Variants in ANKRD23 observed in about 807,000 individuals in gnomAD.
The protein encoded by ANKRD23 is ankyrin repeat domain-containing protein 23.
ANKRD23 carries 52 observed loss-of-function variants against 38.1 expected under a neutral mutation model. The ratio of observed to expected loss-of-function variants is 1.36; its 90% CI spans 1.09 to 1.72. The LOEUF is 1.72. Among genes scored for constraint, ANKRD23 ranks in the 40% most tolerant of loss-of-function variants. ANKRD23 has a pLI of 0.00. For missense variants in ANKRD23, 416 were observed against 400.2 expected (o/e 1.04, Z -0.34); for synonymous variants, 167 against 162.9 (o/e 1.03, Z -0.19).
At chr2:96,842,892 A>C (rs138250911) in intron 1 of ANKRD23, among the ~76,000 whole-genome samples, 58 of 152,334 alleles carry the variant, frequency 3.8e-4, no homozygotes, top group Non-Finnish European at 7.2e-4. Context: ...CTACCAGATC[A>C]TACTGACTGC....
Position 96,839,516 on chromosome 2 carries a change from G to A in ANKRD23, c.*33C>T, listed in dbSNP as rs753064910. 1.3e-5 allele frequency: 19 copies of A among 1,425,622 alleles called. No individual in the cohort carries two copies. The highest frequency in any genetic ancestry group is 1.7e-5 in the Non-Finnish European group (19 of 1,095,342). The allele number at this position is 1,425,622 out of a possible 1,614,324, so 88.3% of individuals were successfully genotyped here. A position where few individuals can be genotyped will look rare whatever the true frequency, so the allele number is the denominator to read the frequency against. On this transcript the variant is annotated 3_prime_UTR_variant, in exon 9 of 9. Transcript: ENST00000318357. ...CGGGGCACAGGATGGAATGGTGGCAGTGCGAAAGGCGCGGCGGGGGGCGGT... is the reference window on the plus strand; with the variant it reads ...CGGGGCACAGGATGGAATGGTGGCAATGCGAAAGGCGCGGCGGGGGGCGGT...
chr2:96,841,990 T>C (rs1320146), intron 3 of ANKRD23, 70 bp downstream of exon 3: 153,203 of 1,605,230 alleles, frequency 0.095, 14,914 homozygotes, highest in African/African-American at 0.52. Context: ...GTGCCCACTC[T>C]GCCCCAAGCC....
rs1385019401 is a variant in ANKRD23, at chr2:96,839,352, C to G, written c.*197G>C. On this transcript the variant is annotated 3_prime_UTR_variant, in exon 9 of 9. Transcript: ENST00000318357. ...GAGGGAACGCGGCTCCCCTGACACT[C>G]GAAGCCAGGGAGGCCTCTCTCTTTG... 7.2e-6 allele frequency: 9 copies of G among 1,253,798 alleles called. No individual in the cohort carries two copies. The highest frequency in any genetic ancestry group is 3.8e-5 in the Admixed American group (1 of 26,250). 77.7% of individuals were successfully genotyped at this position (1,253,798 alleles called of 1,614,324 possible).
chr2:96,842,892 A>G (rs138250911), intron 1 of ANKRD23, among the ~76,000 whole-genome samples: 1 of 152,216 alleles, frequency 6.6e-6, no homozygotes, highest in Non-Finnish European at 1.5e-5. Flanking sequence ...CTACCAGATC[A>G]TACTGACTGC....
In ANKRD23 at chr2:96,840,788, T is replaced by G; in HGVS notation, c.425A>C (p.Lys142Thr). The G allele has an allele frequency of 1.9e-6, 3 of 1,614,138 alleles. No individual in the cohort carries two copies. Among genetic ancestry groups the G allele is most frequent in the Non-Finnish European group, 2.5e-6 (3 of 1,180,016 alleles). ...GCCGACTCACCCAACCTGTGCTACC[T>G]TGTCATGGGCATTGGGGTCCCCTCC... ...TDGGDPNAHDKLHRTALHWAC... is the reference protein window; with the variant it reads ...TDGGDPNAHDTLHRTALHWAC... Residue 142 changes from lysine (K) to threonine (T), a missense_variant and splice_region_variant, in exon 4 of 9, where the codon AAG (lysine) becomes ACG (threonine). Lys to Thr is a moderately conservative substitution (Grantham distance 78). Transcript: ENST00000318357.
intron 6 of ANKRD23, 48 bp downstream of exon 6, chr2:96,840,184 G>C: frequency 1.9e-6 from 3 of 1,579,278 alleles, no homozygotes; most frequent in Non-Finnish European, 2.6e-6. Flanking sequence ...CAGGAACAGC[G>C]TCTGCTCCCG....
intron 7 of ANKRD23, 64 bp from the exon 8 acceptor site, chr2:96,839,889 C>T: frequency 6.4e-7 from 1 of 1,559,774 alleles, no homozygotes; most frequent in Non-Finnish European, 8.7e-7. Flanking sequence ...GCAGGAAGGT[C>T]AGGGCTGCTG....
Position 96,842,376 on chromosome 2 carries a change from TCTC to T in ANKRD23, c.160_162del (p.Glu54del). On this transcript the variant is annotated inframe_deletion, in exon 2 of 9. Transcript: ENST00000318357. ...CGCCCCTCTCTCACTTTCTTCTTCT[TCTC>T]TTCTTCCAATTTCAGCTTCTCCCGG... The T allele has an allele frequency of 4.4e-6, 7 of 1,600,102 alleles. No individual in the cohort carries two copies. The highest frequency in any genetic ancestry group is 6.0e-6 in the Non-Finnish European group (7 of 1,173,328).
chr2:96,843,407 C>G (rs761367883), intron 1 of ANKRD23, among the ~76,000 whole-genome samples: 1 of 152,122 alleles, frequency 6.6e-6, no homozygotes, highest in Non-Finnish European at 1.5e-5. Context: ...GCCCAGGGAG[C>G]GAAAGAGCAC....
intron 1 of ANKRD23, among the ~76,000 whole-genome samples, chr2:96,843,619 C>T (rs1331854238): frequency 6.6e-6 from 1 of 152,186 alleles, no homozygotes; most frequent in African/African-American, 2.4e-5. Context: ...TCCCATTCGA[C>T]TTCCCTCTCT....
At position 96,838,444 on chromosome 2, in the gene ANKRD23, G is replaced by T. The variant is rs2079718118; in HGVS notation, c.*1105C>A. On this transcript the variant is annotated 3_prime_UTR_variant, in exon 9 of 9. Transcript: ENST00000318357. ...GAAGTCTAGGGAGCTTGGGTCCTTA[G>T]ACCACCAGGGAGCAGGGAAGGGATG... The T allele has an allele frequency of 4.0e-6, 4 of 988,032 alleles. No individual in the cohort carries two copies. In the South Asian group the frequency reaches 1.9e-4, roughly 46 times the overall value. The allele number at this position is 988,032 out of a possible 1,614,324, so 61.2% of individuals were successfully genotyped here.
chr2:96,840,360 C>T, intron 5 of ANKRD23, 30 bp from the exon 6 acceptor site: 2 of 1,608,860 alleles, frequency 1.2e-6, no homozygotes, highest in Middle Eastern at 1.7e-4. Context: ...AAGCACTCAG[C>T]TGCTGGGATG....
Position 96,839,820 on chromosome 2 carries a change from C to T in ANKRD23, c.729G>A (p.Gly243=). ...GCACGGCCTCGTGCAGAGCCGTGTC[C>T]CCTTCCTGCTGAGAACGCAGGCAGT... is the stretch of plus-strand genomic sequence containing the variant. ...GAHLNAQDKE[G]DTALHEAVRH... is the part of the protein sequence containing the mutation. The change falls in exon 8 of 9, where the codon GGG becomes GGA. Residue 243 remains glycine, a synonymous_variant. Coordinates refer to ENST00000318357, the MANE Select transcript of ANKRD23 (RefSeq NM_144994.8). 1 of 1,612,382 alleles carries T rather than the reference C, an allele frequency of 6.2e-7. No individual in the cohort carries two copies. The highest frequency in any genetic ancestry group is 8.5e-7 in the Non-Finnish European group (1 of 1,179,650).
Position 96,838,667 on chromosome 2 carries a change from ACTGCCCC to A in ANKRD23, c.*875_*881del. ...CTCAGGCAAACTAGGGTTACGGGCCACTGCCCCAAGAGTTGAGTGGGCCACAAGCAAT... is the reference window on the plus strand; with the variant it reads ...CTCAGGCAAACTAGGGTTACGGGCCAAAGAGTTGAGTGGGCCACAAGCAAT... On this transcript the variant is annotated 3_prime_UTR_variant, in exon 9 of 9. Transcript: ENST00000318357. 1.0e-6 allele frequency: 1 copy of A among 985,524 alleles called. No individual in the cohort carries two copies. Among genetic ancestry groups the A allele is most frequent in the African/African-American group, 1.7e-5 (1 of 57,380 alleles). 61.0% of individuals were successfully genotyped at this position (985,524 alleles called of 1,614,324 possible).
chr2:96,840,416 C>A lies in ANKRD23; in HGVS notation c.525G>T (p.Leu175Phe). 6.2e-7 allele frequency: 1 copy of A among 1,614,002 alleles called. No individual in the cohort carries two copies. Among genetic ancestry groups the A allele is most frequent in the South Asian group, 1.1e-5 (1 of 91,040 alleles). ...VAGATVDARDLLDRTPVFWAC... is the reference protein window; with the variant it reads ...VAGATVDARDFLDRTPVFWAC... ...AGGCTGGGCCTTTCCCCATCCTCAC[C>A]AAGTCTCGCGCGTCCACTGTGGCAC... The change falls in exon 5 of 9, where the codon TTG becomes TTT. Residue 175 changes from leucine (L) to phenylalanine (F), a missense_variant and splice_region_variant. By Grantham distance (22) the Leu-to-Phe change is conservative. Coordinates refer to ENST00000318357, the MANE Select transcript of ANKRD23 (RefSeq NM_144994.8).
intron 1 of ANKRD23, among the ~76,000 whole-genome samples, chr2:96,842,867 A>G (rs1559022455): frequency 6.6e-6 from 1 of 152,156 alleles, no homozygotes; most frequent in East Asian, 1.9e-4. Flanking sequence ...AGCTTCCCCC[A>G]TGTTGTTAAG....
rs1559021239 is a variant in ANKRD23 at position 96,840,223 on chromosome 2, GCCCCT to G, written c.624+4_624+8del. On this transcript the variant is annotated splice_donor_5th_base_variant and intron_variant, in intron 6 of 8. Transcript: ENST00000318357. ...TCCCGACAGGCCCCCAAAGCACCGT[GCCCCT>G]CACCTTGTCCCGGGCATTGACCCGG... 6.2e-7 allele frequency: 1 copy of G among 1,608,110 alleles called. No homozygotes were observed. Among genetic ancestry groups the G allele is most frequent in the Admixed American group, 1.7e-5 (1 of 59,468 alleles).
chr2:96,838,587 C>T lies in ANKRD23; in HGVS notation c.*962G>A, dbSNP rs925729538. The T allele has an allele frequency of 6.1e-5, 60 of 985,586 alleles. No homozygotes were observed. The highest frequency in any genetic ancestry group is 7.1e-5 in the Non-Finnish European group (59 of 830,240). 61.1% of individuals were successfully genotyped at this position (985,586 alleles called of 1,614,324 possible). On this transcript the variant is annotated 3_prime_UTR_variant, in exon 9 of 9. Transcript: ENST00000318357. The stretch of plus-strand genomic sequence containing the variant: ...TCAAGCAGGGTGGGTGCAGCTGCAG[C>T]GTTCCAGGCAAGAGCTCAAGCTCCA...
Position 96,840,415 on chromosome 2 carries a change from C to A in ANKRD23, c.525+1G>T. 6.2e-7 allele frequency: 1 copy of A among 1,614,010 alleles called. No individual in the cohort carries two copies. Among genetic ancestry groups the A allele is most frequent in the African/African-American group, 1.3e-5 (1 of 75,060 alleles). On this transcript the variant is annotated splice_donor_variant, in intron 5 of 8. Coordinates refer to ENST00000318357, the MANE Select transcript of ANKRD23 (RefSeq NM_144994.8). LOFTEE classifies it high-confidence loss of function. Reference sequence around the variant, plus strand: ...GAGGCTGGGCCTTTCCCCATCCTCACCAAGTCTCGCGCGTCCACTGTGGCA... The same window carrying A: ...GAGGCTGGGCCTTTCCCCATCCTCAACAAGTCTCGCGCGTCCACTGTGGCA...
Sources: allele counts gnomAD v4.1 joint callset (sites outside exome capture counted in the v4.1 genomes callset), GRCh38; gene constraint gnomAD v4.1.1; transcripts MANE v1.5; gene names NCBI Gene and HGNC (gene_info 2026-07-23, HGNC 2026-07-21).